Variants in GNL1 observed in about 807,000 individuals in gnomAD.
GNL1 encodes the protein G protein nucleolar 1.
In GNL1, 21 loss-of-function variants were observed where a neutral mutation model predicts 75.2. The ratio of observed to expected loss-of-function variants is 0.28; its 90% CI spans 0.20 to 0.40. GNL1 has a LOEUF of 0.40. Among genes scored for constraint, GNL1 ranks in the 10% least tolerant of loss-of-function variants. The pLI, the probability that GNL1 is intolerant of heterozygous loss-of-function variation, is 1.00. For synonymous variants in GNL1, 287 were observed against 303.4 expected (o/e 0.95, Z 0.56); for missense variants, 579 against 775.0 (o/e 0.75, Z 3.00).
At position 30,542,564 on chromosome 6, in the gene GNL1, A is replaced by T. The variant is rs1799229118; in HGVS notation, c.*3508T>A. On this transcript the variant is annotated 3_prime_UTR_variant, in exon 12 of 12. Transcript: ENST00000376621. The surrounding 1 kb of genome is among the most constrained non-coding windows in gnomAD (Gnocchi z 4.5). ...GACAACTGTCTCAGGAAACAGACCC[A>T]TGACCCACCCAGTTGCCAAGTCAGA... 1 of 152,184 alleles carries T rather than the reference A, an allele frequency of 6.6e-6. No individual in the cohort carries two copies. The highest frequency in any genetic ancestry group is 2.1e-4 in the South Asian group (1 of 4,828). The allele number at this position is 152,184 out of a possible 1,614,324, so 9.4% of individuals were successfully genotyped here. A position where few individuals can be genotyped will look rare whatever the true frequency, so the allele number is the denominator to read the frequency against.
Position 30,547,050 on chromosome 6 carries a change from C to T in GNL1, c.1441+62G>A, listed in dbSNP as rs563536203. The T allele has an allele frequency of 2.0e-5, 29 of 1,441,158 alleles. No individual in the cohort carries two copies. Among genetic ancestry groups the T allele is most frequent in the African/African-American group, 8.4e-5 (6 of 71,672 alleles). The allele number at this position is 1,441,158 out of a possible 1,614,324, so 89.3% of individuals were successfully genotyped here. A position where few individuals can be genotyped will look rare whatever the true frequency, so the allele number is the denominator to read the frequency against. ...AAAGGAGACAGGGAAGGGTAAAAGG[C>T]GAGGCAGGTAAGGAAGAGCAGCTGA... is the stretch of plus-strand genomic sequence containing the variant. On this transcript the variant is annotated intron_variant, in intron 10 of 11. Transcript: ENST00000376621. The surrounding 1 kb of genome is among the most constrained non-coding windows in gnomAD (Gnocchi z 5.5).
At position 30,546,639 on chromosome 6, in the gene GNL1, C is replaced by G; in HGVS notation, c.1582+57G>C. On this transcript the variant is annotated intron_variant, in intron 11 of 11. Transcript: ENST00000376621. This position sits in a 1 kb window ranked among gnomAD's most constrained non-coding sequence, Gnocchi z 5.1. Reference sequence around the variant, plus strand: ...TGACCCTCTCTCTGGCCACAAAGCCCACACCCTTTTACCTACGCTATAGCA... The same window carrying G: ...TGACCCTCTCTCTGGCCACAAAGCCGACACCCTTTTACCTACGCTATAGCA... The G allele has an allele frequency of 6.9e-7, 1 of 1,441,628 alleles. No homozygotes were observed. The highest frequency in any genetic ancestry group is 2.1e-5 in the Admixed American group (1 of 48,670). The allele number at this position is 1,441,628 out of a possible 1,614,324, so 89.3% of individuals were successfully genotyped here.
At position 30,547,194 on chromosome 6, in the gene GNL1, C is replaced by T; in HGVS notation, c.1359G>A (p.Val453=). Residue 453 remains valine, a synonymous_variant, in exon 10 of 12, where the codon GTG becomes GTA. Transcript: ENST00000376621. This position sits in a 1 kb window ranked among gnomAD's most constrained non-coding sequence, Gnocchi z 5.5. The part of the protein sequence containing the change: ...AVGYLASRIP[V]QALLHLRHPE... ...GGTGGCGCAGGTGGAGCAGGGCCTG[C>T]ACGGGAATTCGGGAGGCCAGGTAGC... The T allele has an allele frequency of 6.2e-7, 1 of 1,613,452 alleles. No homozygotes were observed.
In GNL1 at chr6:30,549,476, T is replaced by A. The variant is rs567804733; in HGVS notation, c.1100-1946A>T. ...TGAAATTGTGCAGTATGGATGCTAT[T>A]GGGTCAGACTCTTTTCACACAATGT... is the stretch of plus-strand genomic sequence containing the variant. On this transcript the variant is annotated intron_variant, in intron 8 of 11. Transcript: ENST00000376621. Among the ~76,000 whole-genome samples the A allele has an allele frequency of 5.9e-5, 9 of 152,220 alleles. No homozygotes were observed. In the East Asian group the frequency reaches 1.3e-3, roughly 23 times the overall value.
Position 30,541,852 on chromosome 6 carries a change from T to C in GNL1, c.*4220A>G, listed in dbSNP as rs1396168200. The C allele has an allele frequency of 6.6e-6, 1 of 152,230 alleles. No homozygotes were observed. The highest frequency in any genetic ancestry group is 1.5e-5 in the Non-Finnish European group (1 of 68,038). 9.4% of individuals were successfully genotyped at this position (152,230 alleles called of 1,614,324 possible). A position where few individuals can be genotyped will look rare whatever the true frequency, so the allele number is the denominator to read the frequency against. On this transcript the variant is annotated 3_prime_UTR_variant, in exon 12 of 12. Transcript: ENST00000376621. ...TGAATGTCAGCGCTGTTCCCTCCTGTGACAGAAGCCACCGGCGCCTGCCTG... is the reference window on the plus strand; with the variant it reads ...TGAATGTCAGCGCTGTTCCCTCCTGCGACAGAAGCCACCGGCGCCTGCCTG...
rs1418721967 is a variant in GNL1, at chr6:30,546,840, G to C, written c.1442-4C>G. ...TAACCACGTTTCTCTGCCCAGGCTG[G>C]AGGAAGAAAAGAATAATGGAAAGGG... On this transcript the variant is annotated splice_region_variant and splice_polypyrimidine_tract_variant and intron_variant, in intron 10 of 11. Transcript: ENST00000376621. The surrounding 1 kb of genome is among the most constrained non-coding windows in gnomAD (Gnocchi z 5.1). 6.3e-7 allele frequency: 1 copy of C among 1,584,522 alleles called. No homozygotes were observed.
At position 30,554,894 on chromosome 6, in the gene GNL1, G is replaced by A; in HGVS notation, c.398C>T (p.Pro133Leu). ...CTTGGACATCTCATAGCTCCAAGGA[G>A]GACGTCGAGGAAAGTCCAGAACTGG... ...PGSVLDFPRR[P>L]PWSYEMSKEQ... Residue 133 changes from proline (P) to leucine (L), a missense_variant, in exon 4 of 12, where the codon CCT (proline) becomes CTT (leucine). Transcript: ENST00000376621. 1.9e-6 allele frequency: 3 copies of A among 1,612,930 alleles called. No individual in the cohort carries two copies. Among genetic ancestry groups the A allele is most frequent in the South Asian group, 1.1e-5 (1 of 91,074 alleles).
chr6:30,546,896 C>T lies in GNL1; in HGVS notation c.1442-60G>A. The T allele has an allele frequency of 7.2e-7, 1 of 1,388,008 alleles. No individual in the cohort carries two copies. Among genetic ancestry groups the T allele is most frequent in the East Asian group, 2.3e-5 (1 of 43,498 alleles). The allele number at this position is 1,388,008 out of a possible 1,614,324, so 86.0% of individuals were successfully genotyped here. On this transcript the variant is annotated intron_variant, in intron 10 of 11. Coordinates refer to ENST00000376621, the MANE Select transcript of GNL1 (RefSeq NM_005275.5). This position sits in a 1 kb window ranked among gnomAD's most constrained non-coding sequence, Gnocchi z 5.1. ...ATTAACCAGGTACCAGTTATACTCC[C>T]ACTCCCATAACACAGTCCTTCCAGT... is the stretch of plus-strand genomic sequence containing the variant.
chr6:30,551,606 T>G (rs1799782204), intron 8 of GNL1, among the ~76,000 whole-genome samples: 1 of 152,068 alleles, frequency 6.6e-6, no homozygotes. Context: ...TAAGAGGAGA[T>G]TCTCCTTGGC....
rs1301685660 is a variant in GNL1 at position 30,553,502 on chromosome 6, G to A, written c.656C>T (p.Ala219Val). 1 of 1,612,936 alleles carries A rather than the reference G, an allele frequency of 6.2e-7. No homozygotes were observed. Among genetic ancestry groups the A allele is most frequent in the South Asian group, 1.1e-5 (1 of 91,084 alleles). Residue 219 changes from alanine to valine, a missense_variant, in exon 6 of 12, where the codon GCC becomes GTC. Physicochemically the swap from Ala to Val is moderately conservative, Grantham distance 64 (BLOSUM62 0). Coordinates refer to ENST00000376621, the MANE Select transcript of GNL1 (RefSeq NM_005275.5). ...YEYVTGELGLALVLVLNKVDL... is the reference protein window; with the variant it reads ...YEYVTGELGLVLVLVLNKVDL... ...CACCTTGTTCAAAACCAGCACCAGG[G>A]CCAGTCCAAGTTCTCCAGTCACATA...
In GNL1 at chr6:30,548,502, A is replaced by C. The variant is rs367562552; in HGVS notation, c.1100-972T>G. Among the ~76,000 whole-genome samples the C allele has an allele frequency of 2.0e-4, 30 of 152,154 alleles. No individual in the cohort carries two copies. Among genetic ancestry groups the C allele is most frequent in the African/African-American group, 6.8e-4 (28 of 41,428 alleles). On this transcript the variant is annotated intron_variant, in intron 8 of 11. Coordinates refer to ENST00000376621, the MANE Select transcript of GNL1 (RefSeq NM_005275.5). This position sits in a 1 kb window ranked among gnomAD's most constrained non-coding sequence, Gnocchi z 4.2. ...CCCCTGACCTTAACACAGTAACACT[A>C]TGCAATACCCAACTCGTGTCCTCAA... is the stretch of plus-strand genomic sequence containing the variant.
At chr6:30,549,562 C>G (rs1466108490) in intron 8 of GNL1, among the ~76,000 whole-genome samples, 1 of 152,170 alleles carries the variant, frequency 6.6e-6, no homozygotes. Flanking sequence ...CTCCACCCCA[C>G]TGAAACCACG....
chr6:30,552,757 C>T lies in GNL1; in HGVS notation c.905-96G>A. 3 of 1,148,642 alleles carry T rather than the reference C, an allele frequency of 2.6e-6. No homozygotes were observed. Among genetic ancestry groups the T allele is most frequent in the Non-Finnish European group, 3.7e-6 (3 of 806,858 alleles). The allele number at this position is 1,148,642 out of a possible 1,614,324, so 71.2% of individuals were successfully genotyped here. On this transcript the variant is annotated intron_variant, in intron 7 of 11. Coordinates refer to ENST00000376621, the MANE Select transcript of GNL1 (RefSeq NM_005275.5). The surrounding 1 kb of genome is among the most constrained non-coding windows in gnomAD (Gnocchi z 4.5). Reference sequence around the variant, plus strand: ...CTGCACAGATTATGTAACTGGCACCCTCTGGAGTTGTACAGTGCCAACCTA... The same window carrying T: ...CTGCACAGATTATGTAACTGGCACCTTCTGGAGTTGTACAGTGCCAACCTA...
Position 30,552,966 on chromosome 6 carries a change from C to A in GNL1, c.904+118G>T. 1.3e-6 allele frequency: 1 copy of A among 762,918 alleles called. No individual in the cohort carries two copies. The allele number at this position is 762,918 out of a possible 1,614,324, so 47.3% of individuals were successfully genotyped here. On this transcript the variant is annotated intron_variant, in intron 7 of 11. Coordinates refer to ENST00000376621, the MANE Select transcript of GNL1 (RefSeq NM_005275.5). The surrounding 1 kb of genome is among the most constrained non-coding windows in gnomAD (Gnocchi z 4.5). ...TCTGCTCCTTATTCTGTCCCTTCCCCTGGCCTCTTGCACATATCCACCATA... is the reference window on the plus strand; with the variant it reads ...TCTGCTCCTTATTCTGTCCCTTCCCATGGCCTCTTGCACATATCCACCATA...
chr6:30,544,135 TAG>T lies in GNL1; in HGVS notation c.*1935_*1936del, dbSNP rs895772721. 16 of 152,140 alleles carry T rather than the reference TAG, an allele frequency of 1.1e-4. No individual in the cohort carries two copies. The highest frequency in any genetic ancestry group is 3.9e-4 in the African/African-American group (16 of 41,406). 9.4% of individuals were successfully genotyped at this position (152,140 alleles called of 1,614,324 possible). On this transcript the variant is annotated 3_prime_UTR_variant, in exon 12 of 12. Transcript: ENST00000376621. ...TTCTTTTCCTGTTGCTATTATCCTA[TAG>T]AGTCAGCAAGTCATGGAAGAGGTTT... is the stretch of plus-strand genomic sequence containing the variant.
At position 30,552,600 on chromosome 6, in the gene GNL1, A is replaced by G; in HGVS notation, c.966T>C (p.Asn322=). 1.2e-6 allele frequency: 2 copies of G among 1,613,948 alleles called. No homozygotes were observed. Among genetic ancestry groups the G allele is most frequent in the Non-Finnish European group, 1.7e-6 (2 of 1,179,948 alleles). ...CCTCTTCCTCCTCCTCCCCAGAGCC[A>G]TTACCCCAGGTGGCCCCAGCCACAT... ...ARDVAGATWG[N]GSGEEEEEED... is the part of the protein sequence containing the mutation. Residue 322 remains asparagine, a synonymous_variant, in exon 8 of 12, where the codon AAT becomes AAC. Transcript: ENST00000376621. This position sits in a 1 kb window ranked among gnomAD's most constrained non-coding sequence, Gnocchi z 4.5.
At position 30,555,868 on chromosome 6, in the gene GNL1, G is replaced by A; in HGVS notation, c.74-148C>T. On this transcript the variant is annotated intron_variant, in intron 1 of 11. Coordinates refer to ENST00000376621, the MANE Select transcript of GNL1 (RefSeq NM_005275.5). The surrounding 1 kb of genome is among the most constrained non-coding windows in gnomAD (Gnocchi z 4.3). ...CACCCTATTTGGGACCCTCCCGGAT[G>A]TGCGTGGGGGGAGTCACTCCTTCAG... 3 of 901,096 alleles carry A rather than the reference G, an allele frequency of 3.3e-6. No individual in the cohort carries two copies. Among genetic ancestry groups the A allele is most frequent in the Non-Finnish European group, 5.1e-6 (3 of 593,964 alleles). The allele number at this position is 901,096 out of a possible 1,614,324, so 55.8% of individuals were successfully genotyped here.
Position 30,550,411 on chromosome 6 carries a change from C to T in GNL1, c.1099+2056G>A, listed in dbSNP as rs1018464449. 8.5e-5 allele frequency among the ~76,000 whole-genome samples: 13 copies of T among 152,130 alleles called. 1 individual carries two copies. Among genetic ancestry groups the T allele is most frequent in the Admixed American group, 2.6e-4 (4 of 15,264 alleles). On this transcript the variant is annotated intron_variant, in intron 8 of 11. Coordinates refer to ENST00000376621, the MANE Select transcript of GNL1 (RefSeq NM_005275.5). The stretch of plus-strand genomic sequence containing the variant: ...GGAAGTCCTTCTTTATCCTCACTTT[C>T]CTTCACGTGCCAACTGCAAGCCATC...
chr6:30,556,267 C>CG lies in GNL1; in HGVS notation c.-65dup, dbSNP rs373820588. 2.0e-6 allele frequency: 3 copies of CG among 1,535,192 alleles called. No homozygotes were observed. The highest frequency in any genetic ancestry group is 2.6e-6 in the Non-Finnish European group (3 of 1,145,150). ...CCCGCCGCCTCAACTGACTGCCCCC[C>CG]GGGGCAGCCCCCGCCGCAGGGGCCC... On this transcript the variant is annotated 5_prime_UTR_variant, in exon 1 of 12. Coordinates refer to ENST00000376621, the MANE Select transcript of GNL1 (RefSeq NM_005275.5). The surrounding 1 kb of genome is among the most constrained non-coding windows in gnomAD (Gnocchi z 5.7).
Sources: gnomAD v4.1 joint callset for allele counts (sites outside exome capture counted in the v4.1 genomes callset) on GRCh38, gnomAD v4.1.1 for gene constraint, Gnocchi (gnomAD v3.1) non-coding constraint, MANE v1.5 for transcripts, NCBI Gene and HGNC (gene_info 2026-07-23, HGNC 2026-07-21) for gene names.